POLR3B: variants seen among roughly 807,000 people sequenced by gnomAD.
The protein encoded by POLR3B is DNA-directed RNA polymerase III subunit RPC2.
In POLR3B, 96 loss-of-function variants were observed where a neutral mutation model predicts 147.4. The observed-to-expected ratio is 0.65, with a 90% CI of 0.55 to 0.77. The LOEUF (loss-of-function observed/expected upper bound fraction) is 0.77, where lower values mean the gene tolerates loss of function less well. Ranked by LOEUF, POLR3B falls within the 30% of genes least tolerant of loss-of-function variation. POLR3B has a pLI of 0.00. For missense variants in POLR3B, 1,036 were observed against 1,413.5 expected, an observed-to-expected ratio of 0.73 and a Z score of 4.28; for synonymous variants, 461 against 485.9, an observed-to-expected ratio of 0.95 and a Z score of 0.67.
chr12:106,401,461 A>T (rs2037065870), intron 10 of POLR3B, among the ~76,000 whole-genome samples: 1 of 152,264 alleles, frequency 6.6e-6, no homozygotes, highest in Non-Finnish European at 1.5e-5. Context: ...AACTCATTTT[A>T]TGAGGCCAGC....
chr12:106,376,204 TTGGCTTCCA>T (rs2136896910), intron 6 of POLR3B, among the ~76,000 whole-genome samples, 146 bp from the exon 7 acceptor site: 1 of 152,366 alleles, frequency 6.6e-6, no homozygotes, highest in South Asian at 2.1e-4. Flanking sequence ...TTCATTTTGC[TTGGCTTCCA>T]TGTAATTGCT....
intron 12 of POLR3B, among the ~76,000 whole-genome samples, chr12:106,420,647 G>A (rs2037362965): frequency 6.6e-6 from 1 of 152,124 alleles, no homozygotes; most frequent in African/African-American, 2.4e-5. Flanking sequence ...TACCAATTCG[G>A]GAAACAGAGC....
At chr12:106,365,687 C>T (rs917287893) in intron 2 of POLR3B, among the ~76,000 whole-genome samples, 8 of 151,886 alleles carry the variant, frequency 5.3e-5, no homozygotes, top group African/African-American at 1.5e-4. Flanking sequence ...GGTGTAACCC[C>T]GTTTCTACTA....
At chr12:106,388,797 A>C (rs2036876742) in intron 9 of POLR3B, among the ~76,000 whole-genome samples, 2 of 152,210 alleles carry the variant, frequency 1.3e-5, no homozygotes, top group South Asian at 4.1e-4. Flanking sequence ...GCCTTCACAC[A>C]ATATATTTCA....
At chr12:106,419,831 A>G (rs1214070217) in intron 12 of POLR3B, among the ~76,000 whole-genome samples, 2 of 140,282 alleles carry the variant, frequency 1.4e-5, no homozygotes, top group Non-Finnish European at 3.0e-5. Context: ...ACTTGATATA[A>G]CTGGCATTCT....
At chr12:106,435,364 C>A (rs1158821074) in intron 16 of POLR3B, among the ~76,000 whole-genome samples, 1 of 151,570 alleles carries the variant, frequency 6.6e-6, no homozygotes, top group Non-Finnish European at 1.5e-5. Context: ...AGGCTGGTCT[C>A]GAACTCCTGG....
intron 9 of POLR3B, among the ~76,000 whole-genome samples, chr12:106,385,767 T>C (rs1024499168): frequency 6.6e-6 from 1 of 152,196 alleles, no homozygotes; most frequent in Non-Finnish European, 1.5e-5. Flanking sequence ...AATGCAATTG[T>C]GTGAAGAAAC....
In POLR3B at chr12:106,424,175, T is replaced by C. The variant is rs186523276; in HGVS notation, c.1102-3022T>C. ...AGCCCTCATGGTGTCTTTTAACATATATATATATTCCTCTCCCTCCTAAAT... is the reference window on the plus strand; with the variant it reads ...AGCCCTCATGGTGTCTTTTAACATACATATATATTCCTCTCCCTCCTAAAT... On this transcript the variant is annotated intron_variant, in intron 12 of 27. Transcript: ENST00000228347. 4.8e-4 allele frequency among the ~76,000 whole-genome samples: 73 copies of C among 151,744 alleles called. 1 individual carries two copies. The highest frequency in any genetic ancestry group is 1.6e-3 in the African/African-American group (67 of 41,292).
chr12:106,366,082 T>C (rs2036532397), intron 2 of POLR3B, among the ~76,000 whole-genome samples: 1 of 152,070 alleles, frequency 6.6e-6, no homozygotes, highest in Non-Finnish European at 1.5e-5. Flanking sequence ...TGAGGAGGGG[T>C]CATTCTTTTC....
intron 2 of POLR3B, among the ~76,000 whole-genome samples, chr12:106,364,217 A>G (rs2036502965): frequency 6.6e-6 from 1 of 152,236 alleles, no homozygotes; most frequent in African/African-American, 2.4e-5. Flanking sequence ...ACCACATCTT[A>G]AGAGAAGAAG....
chr12:106,432,748 C>T (rs1300774829), intron 15 of POLR3B, among the ~76,000 whole-genome samples: 1 of 152,130 alleles, frequency 6.6e-6, no homozygotes, highest in Non-Finnish European at 1.5e-5. Context: ...GCTGGCATAT[C>T]CTTAGTGGAA....
At chr12:106,463,019 A>G (rs1295405054) in intron 22 of POLR3B, among the ~76,000 whole-genome samples, 1 of 152,058 alleles carries the variant, frequency 6.6e-6, no homozygotes, top group Non-Finnish European at 1.5e-5. Context: ...ATGTGTCCGA[A>G]GGCTACCAGG....
At chr12:106,447,698 G>A (rs900527520) in intron 19 of POLR3B, among the ~76,000 whole-genome samples, 3 of 152,296 alleles carry the variant, frequency 2.0e-5, no homozygotes, top group South Asian at 4.1e-4. Context: ...TCCTCTAGTG[G>A]AACACTTTCT....
intron 9 of POLR3B, among the ~76,000 whole-genome samples, chr12:106,388,398 AC>A (rs2036868906): frequency 6.6e-6 from 1 of 151,926 alleles, no homozygotes; most frequent in African/African-American, 2.4e-5. Context: ...GCCCACTGCA[AC>A]CTCCAACTCC....
chr12:106,385,692 A>G (rs1405759050), intron 9 of POLR3B, among the ~76,000 whole-genome samples: 1 of 152,208 alleles, frequency 6.6e-6, no homozygotes, highest in Admixed American at 6.5e-5. Flanking sequence ...TGGTAAGAGT[A>G]TTCATAAGTA....
At chr12:106,459,108 C>T (rs1385608006) in intron 21 of POLR3B, 143 bp from the exon 22 acceptor site, 2 of 666,802 alleles carry the variant, frequency 3.0e-6, no homozygotes, top group East Asian at 5.6e-5. Context: ...CTCACTGCAG[C>T]CTCAACCTAG....
At chr12:106,394,602 T>G (rs140393646) in intron 10 of POLR3B, among the ~76,000 whole-genome samples, 2 of 152,194 alleles carry the variant, frequency 1.3e-5, no homozygotes, top group African/African-American at 4.8e-5. Flanking sequence ...AACATCATCA[T>G]TGGGGTCAAA....
intron 12 of POLR3B, among the ~76,000 whole-genome samples, chr12:106,418,093 A>G (rs368275819): frequency 1.3e-5 from 2 of 152,208 alleles, no homozygotes; most frequent in East Asian, 3.8e-4. Context: ...CCACTGGCCA[A>G]GCGGGTTCAC....
At chr12:106,457,342 T>C (rs1310410827) in intron 21 of POLR3B, 46 bp downstream of exon 21, 2 of 1,459,074 alleles carry the variant, frequency 1.4e-6, no homozygotes. Context: ...TTTGACATCA[T>C]ATGTTATTCA....
Sources: gnomAD v4.1 joint callset for allele counts (sites outside exome capture counted in the v4.1 genomes callset) on GRCh38, gnomAD v4.1.1 for gene constraint, MANE v1.5 for transcripts, NCBI Gene and HGNC (gene_info 2026-07-23, HGNC 2026-07-21) for gene names.